AGBL5: variants seen among roughly 807,000 people sequenced by gnomAD.
AGBL5 encodes the protein cytosolic carboxypeptidase-like protein 5.
In AGBL5, 51 loss-of-function variants were observed where a neutral mutation model predicts 88.0. That is an observed-to-expected ratio of 0.58 (90% CI 0.46 to 0.73). AGBL5 has a LOEUF of 0.73. AGBL5 is among the 30% of genes least tolerant of loss of function. AGBL5 has a pLI of 0.00. For synonymous variants in AGBL5, 446 were observed against 438.8 expected, an observed-to-expected ratio of 1.02 and a Z score of -0.21; for missense variants, 1,031 against 1,162.2, an observed-to-expected ratio of 0.89 and a Z score of 1.64.
At chr2:27,064,582 C>G (rs968211789) in intron 11 of AGBL5, among the ~76,000 whole-genome samples, 1 of 151,912 alleles carries the variant, frequency 6.6e-6, no homozygotes, top group African/African-American at 2.4e-5. Context: ...AGCCACCGTG[C>G]CTGGCGTTTT....
intron 11 of AGBL5, among the ~76,000 whole-genome samples, chr2:27,063,374 C>T (rs940981082): frequency 2.9e-5 from 3 of 103,806 alleles, no homozygotes; most frequent in African/African-American, 8.5e-5. Context: ...GGGCAGATCA[C>T]GAGGTCTCGA....
intron 11 of AGBL5, among the ~76,000 whole-genome samples, chr2:27,067,269 A>C (rs1017588815): frequency 6.6e-6 from 1 of 151,698 alleles, no homozygotes; most frequent in Non-Finnish European, 1.5e-5. Context: ...AAAAAAAAAA[A>C]AAAAAACTAG....
chr2:27,054,012 A>T lies in AGBL5; in HGVS notation c.504A>T (p.Leu168=), dbSNP rs749127946. 1 of 1,614,116 alleles carries T rather than the reference A, an allele frequency of 6.2e-7. No individual in the cohort carries two copies. Among genetic ancestry groups the T allele is most frequent in the Non-Finnish European group, 8.5e-7 (1 of 1,180,010 alleles). The stretch of plus-strand genomic sequence containing the variant: ...CCTACAGTGACTGCCAGGAACTGCT[A>T]AACCAGCTAGACCAGCGCTTTCCGG... ...PFSYSDCQEL[L]NQLDQRFPEN... Residue 168 remains leucine, a synonymous_variant, in exon 4 of 15, where the codon CTA becomes CTT. Coordinates refer to ENST00000360131, the MANE Select transcript of AGBL5 (RefSeq NM_021831.6).
chr2:27,057,174 T>A, intron 8 of AGBL5, 129 bp from the exon 9 acceptor site: 1 of 1,056,188 alleles, frequency 9.5e-7, no homozygotes, highest in Non-Finnish European at 1.4e-6. Flanking sequence ...TTGCTATGGA[T>A]TATTAGCACT....
At chr2:27,059,866 G>A (rs377071677) in intron 11 of AGBL5, among the ~76,000 whole-genome samples, 29 of 152,266 alleles carry the variant, frequency 1.9e-4, no homozygotes, top group Middle Eastern at 6.8e-3. Context: ...AAGTGATACC[G>A]GGCTGGGTGC....
chr2:27,056,521 A>C, intron 7 of AGBL5, 102 bp from the exon 8 acceptor site: 1 of 1,006,174 alleles, frequency 9.9e-7, no homozygotes, highest in Non-Finnish European at 1.5e-6. Context: ...TTGTGATGGT[A>C]TCTGCTGTGT....
chr2:27,069,833 T>G, intron 14 of AGBL5, 127 bp downstream of exon 14: 1 of 1,468,290 alleles, frequency 6.8e-7, no homozygotes, highest in Non-Finnish European at 9.0e-7. Flanking sequence ...GTACTTCCAT[T>G]AAGAATCTAG....
At position 27,054,781 on chromosome 2, in the gene AGBL5, C is replaced by T; in HGVS notation, c.703C>T (p.Arg235Ter). 6.2e-7 allele frequency: 1 copy of T among 1,613,062 alleles called. No individual in the cohort carries two copies. Among genetic ancestry groups the T allele is most frequent in the Non-Finnish European group, 8.5e-7 (1 of 1,179,908 alleles). Reference protein sequence around the residue: ...EQLFPDTSTPRPFRFAGKRIF... With the variant: ...EQLFPDTSTP ...GCTATTTCCTGATACCAGCACCCCT[C>T]GACCATTCCGTTTCGCAGGCAAGAG... The change falls in exon 5 of 15, where the codon CGA (arginine) becomes TGA (stop). Residue 235 changes from arginine to a stop codon, truncating the protein, a stop_gained. Coordinates refer to ENST00000360131, the MANE Select transcript of AGBL5 (RefSeq NM_021831.6). LOFTEE classifies it high-confidence loss of function.
At chr2:27,058,281 C>G in intron 9 of AGBL5, 119 bp from the exon 10 acceptor site, 1 of 1,171,206 alleles carries the variant, frequency 8.5e-7, no homozygotes, top group Admixed American at 1.8e-5. Flanking sequence ...GTTAGGGCAT[C>G]CAATGAGCAA....
Position 27,058,621 on chromosome 2 carries a change from G to A in AGBL5, c.1874+19G>A. On this transcript the variant is annotated intron_variant, in intron 10 of 14. Coordinates refer to ENST00000360131, the MANE Select transcript of AGBL5 (RefSeq NM_021831.6). ...GTCACAAGTAAGGCCAGCAAAATAG[G>A]AGGGAGAAAGGGTAGGACAGTGGGA... The A allele has an allele frequency of 1.2e-6, 2 of 1,612,768 alleles. No individual in the cohort carries two copies. Among genetic ancestry groups the A allele is most frequent in the Middle Eastern group, 1.7e-4 (1 of 5,794 alleles).
chr2:27,069,016 C>T (rs1669136942), intron 13 of AGBL5: 1 of 1,416,932 alleles, frequency 7.1e-7, no homozygotes, highest in Non-Finnish European at 9.3e-7. Flanking sequence ...TTCCCTGCCC[C>T]TGCCCTTAGC....
chr2:27,067,983 C>A, intron 12 of AGBL5: 1 of 401,638 alleles, frequency 2.5e-6, no homozygotes, highest in African/African-American at 2.0e-5. Context: ...CTAGACAAAA[C>A]AGGAGAATGA....
In AGBL5 at chr2:27,054,247, A is replaced by ACACCTGCCCTCCACTCTTT. The variant is rs1668317651; in HGVS notation, c.551+198_551+216dup. 5 of 649,460 alleles carry ACACCTGCCCTCCACTCTTT rather than the reference A, an allele frequency of 7.7e-6. No individual in the cohort carries two copies. The East Asian group carries it at 1.2e-4, about 16-fold the overall frequency. 40.2% of individuals were successfully genotyped at this position (649,460 alleles called of 1,614,324 possible). On this transcript the variant is annotated intron_variant, in intron 4 of 14. Transcript: ENST00000360131. ...GTATGACCCTGATCTCAGCATATCG[A>ACACCTGCCCTCCACTCTTT]CACCTGCCCTCCACTCTTTCACCTG...
chr2:27,053,792 TGGTAAA>T lies in AGBL5; in HGVS notation c.388-100_388-95del, dbSNP rs1668293848. On this transcript the variant is annotated intron_variant, in intron 3 of 14. Coordinates refer to ENST00000360131, the MANE Select transcript of AGBL5 (RefSeq NM_021831.6). The surrounding 1 kb of genome is among the most constrained non-coding windows in gnomAD (Gnocchi z 4.9). ...TAGAAAGTGTCACAGGGAGGGAAGT[TGGTAAA>T]GGTGATAAGGGTGTGAGGTCAGTTC... 2 of 1,473,098 alleles carry T rather than the reference TGGTAAA, an allele frequency of 1.4e-6. No individual in the cohort carries two copies. The highest frequency in any genetic ancestry group is 1.8e-6 in the Non-Finnish European group (2 of 1,095,996). The allele number at this position is 1,473,098 out of a possible 1,614,324, so 91.3% of individuals were successfully genotyped here. A position where few individuals can be genotyped will look rare whatever the true frequency, so the allele number is the denominator to read the frequency against.
At chr2:27,060,538 A>G (rs1668663534) in intron 11 of AGBL5, among the ~76,000 whole-genome samples, 1 of 152,244 alleles carries the variant, frequency 6.6e-6, no homozygotes, top group Non-Finnish European at 1.5e-5. Flanking sequence ...AGCTGGGGCT[A>G]AGAGCTTTGC....
chr2:27,063,318 C>T (rs1392963572), intron 11 of AGBL5, among the ~76,000 whole-genome samples: 1 of 152,136 alleles, frequency 6.6e-6, no homozygotes, highest in African/African-American at 2.4e-5. Context: ...CTCGGCCGGG[C>T]GTGGTGGCTC....
rs780508825 is a variant in AGBL5, at chr2:27,053,982, C to T, written c.474C>T (p.Pro158=). Reference sequence around the variant, plus strand: ...CCACCTTCTTCGCCTTCTGCTACCCCTTCTCCTACAGTGACTGCCAGGAAC... The same window carrying T: ...CCACCTTCTTCGCCTTCTGCTACCCTTTCTCCTACAGTGACTGCCAGGAAC... ...GATTFFAFCY[P]FSYSDCQELL... is the part of the protein sequence containing the mutation. Residue 158 remains proline (P), a synonymous_variant, in exon 4 of 15, where the codon CCC becomes CCT. Transcript: ENST00000360131. This position sits in a 1 kb window ranked among gnomAD's most constrained non-coding sequence, Gnocchi z 4.9. The T allele has an allele frequency of 1.9e-6, 3 of 1,614,210 alleles. No individual in the cohort carries two copies. Among genetic ancestry groups the T allele is most frequent in the Non-Finnish European group, 2.5e-6 (3 of 1,180,022 alleles).
chr2:27,061,116 G>A (rs1668695246), intron 11 of AGBL5: 2 of 152,156 alleles, frequency 1.3e-5, no homozygotes, highest in African/African-American at 4.8e-5. Flanking sequence ...AGGCCGGAGT[G>A]AAGTGGTGTG....
intron 13 of AGBL5, chr2:27,068,949 G>A (rs1669132481): frequency 6.7e-7 from 1 of 1,495,358 alleles, no homozygotes; most frequent in Non-Finnish European, 8.9e-7. Flanking sequence ...TCATTTGCTT[G>A]CTTTCAACCT....
Sources: gnomAD v4.1 joint callset for allele counts (sites outside exome capture counted in the v4.1 genomes callset) on GRCh38, gnomAD v4.1.1 for gene constraint, Gnocchi (gnomAD v3.1) non-coding constraint, MANE v1.5 for transcripts, NCBI Gene and HGNC (gene_info 2026-07-23, HGNC 2026-07-21) for gene names.